The following HIBADH variants were observed in gnomAD, a reference collection of about 807,000 sequenced individuals.
The protein encoded by HIBADH is 3-hydroxyisobutyrate dehydrogenase, mitochondrial.
Under a neutral mutation model 36.1 loss-of-function variants are expected in HIBADH, and 25 were observed. The observed-to-expected ratio is 0.69, with a 90% CI of 0.50 to 0.97. HIBADH has a LOEUF of 0.97. HIBADH is among the 50% of genes least tolerant of loss of function. HIBADH has a pLI of 0.00. For missense variants in HIBADH, 421 were observed against 418.0 expected (o/e 1.01, Z -0.06); for synonymous variants, 160 against 149.5 (o/e 1.07, Z -0.51).
At chr7:27,576,756 G>A (rs1215474033) in intron 4 of HIBADH, among the ~76,000 whole-genome samples, 2 of 152,166 alleles carry the variant, frequency 1.3e-5, no homozygotes, top group African/African-American at 4.8e-5. Context: ...CTACCCAAGT[G>A]TCACACATTC....
intron 1 of HIBADH, among the ~76,000 whole-genome samples, 177 bp downstream of exon 1, chr7:27,662,521 C>T (rs889909731): frequency 6.6e-6 from 1 of 152,194 alleles, no homozygotes; most frequent in East Asian, 1.9e-4. Flanking sequence ...GAGGGGGGTA[C>T]TCGCGGAGTG....
intron 1 of HIBADH, among the ~76,000 whole-genome samples, chr7:27,651,376 T>C (rs1046567515): frequency 6.6e-6 from 1 of 151,914 alleles, no homozygotes; most frequent in Non-Finnish European, 1.5e-5. Flanking sequence ...ACTGGTATAA[T>C]AGTACACTGG....
intron 4 of HIBADH, among the ~76,000 whole-genome samples, chr7:27,626,104 G>GAAAAAAAAAAAA (rs70994672): frequency 5.5e-5 from 4 of 72,504 alleles, no homozygotes; most frequent in Admixed American, 2.1e-4. Flanking sequence ...CTCCGTCTCA[G>GAAAAAAAAAAAA]AAAAAAAAAA....
At position 27,525,471 on chromosome 7, in the gene HIBADH, A is replaced by G. The variant is rs1389977182; in HGVS notation, c.*743T>C. ...CAGTATAGAAATTTATTTGAATTCA[A>G]AATAATATGGCTATATTTATAATAA... On this transcript the variant is annotated 3_prime_UTR_variant, in exon 8 of 8. Coordinates refer to ENST00000265395, the MANE Select transcript of HIBADH (RefSeq NM_152740.4). 1.3e-5 allele frequency: 2 copies of G among 152,190 alleles called. No individual in the cohort carries two copies. The highest frequency in any genetic ancestry group is 2.9e-5 in the Non-Finnish European group (2 of 68,040). The allele number at this position is 152,190 out of a possible 1,614,324, so 9.4% of individuals were successfully genotyped here.
rs1475268285 is a variant in HIBADH, at chr7:27,525,597, AAAAAAAT to A, written c.*610_*616del. 1.3e-5 allele frequency: 2 copies of A among 152,140 alleles called. No individual in the cohort carries two copies. The highest frequency in any genetic ancestry group is 4.8e-5 in the African/African-American group (2 of 41,458). 9.4% of individuals were successfully genotyped at this position (152,140 alleles called of 1,614,324 possible). ...TACGTAGTAAGAATGAACAAGAAAG[AAAAAAAT>A]ATAAAAACAAGTCTGCTGAGTGTCG... On this transcript the variant is annotated 3_prime_UTR_variant, in exon 8 of 8. Transcript: ENST00000265395.
At chr7:27,530,712 T>C (rs550505433) in intron 7 of HIBADH, among the ~76,000 whole-genome samples, 30 of 152,286 alleles carry the variant, frequency 2.0e-4, no homozygotes, top group African/African-American at 7.0e-4. Flanking sequence ...ACTTAACTAG[T>C]TTTTATATAT....
intron 1 of HIBADH, among the ~76,000 whole-genome samples, chr7:27,659,867 A>T (rs1019615307): frequency 6.6e-6 from 1 of 152,210 alleles, no homozygotes; most frequent in Admixed American, 6.5e-5. Context: ...AGACCAGCGT[A>T]GTAGGCAACT....
intron 4 of HIBADH, among the ~76,000 whole-genome samples, chr7:27,612,962 T>TTTATATATATATTATATATATA (rs1189542484): frequency 7.2e-6 from 1 of 139,170 alleles, no homozygotes; most frequent in Non-Finnish European, 1.5e-5. Flanking sequence ...ATATATATTA[T>TTTATATATATATTATATATATA]TTATATATAT....
At chr7:27,561,360 T>C (rs1019734904) in intron 4 of HIBADH, among the ~76,000 whole-genome samples, 5 of 152,180 alleles carry the variant, frequency 3.3e-5, no homozygotes, top group African/African-American at 9.6e-5. Context: ...TTTTTTCTTA[T>C]ATGACTTATT....
At chr7:27,569,760 TAAAAA>T (rs1562625113) in intron 4 of HIBADH, among the ~76,000 whole-genome samples, 1 of 151,808 alleles carries the variant, frequency 6.6e-6, no homozygotes, top group South Asian at 2.1e-4. Flanking sequence ...GCAAGAGAAT[TAAAAA>T]AAGAAAAAAG....
At chr7:27,540,755 T>A (rs1784137357) in intron 5 of HIBADH, among the ~76,000 whole-genome samples, 1 of 152,186 alleles carries the variant, frequency 6.6e-6, no homozygotes, top group Non-Finnish European at 1.5e-5. Flanking sequence ...TAGGGGCAAG[T>A]TGGCCCCTTG....
At chr7:27,538,253 C>T (rs1487194100) in intron 6 of HIBADH, 88 bp downstream of exon 6, 2 of 986,388 alleles carry the variant, frequency 2.0e-6, no homozygotes, top group Non-Finnish European at 3.1e-6. Flanking sequence ...ACTCATTTAT[C>T]TCTCATGAAT....
intron 7 of HIBADH, among the ~76,000 whole-genome samples, chr7:27,530,276 G>T (rs1346217505): frequency 1.3e-5 from 2 of 151,974 alleles, no homozygotes; most frequent in Non-Finnish European, 2.9e-5. Flanking sequence ...TGCTATCTCA[G>T]CTGACTGCCA....
chr7:27,558,687 C>T (rs1683847488), intron 4 of HIBADH, among the ~76,000 whole-genome samples: 1 of 151,946 alleles, frequency 6.6e-6, no homozygotes, highest in Admixed American at 6.6e-5. Flanking sequence ...AGAGCAAGAC[C>T]CAGTCTCAAA....
At chr7:27,634,999 T>C (rs1236172912) in intron 2 of HIBADH, among the ~76,000 whole-genome samples, 1 of 152,132 alleles carries the variant, frequency 6.6e-6, no homozygotes, top group Non-Finnish European at 1.5e-5. Flanking sequence ...ACAACAGTAG[T>C]GATAGCTGGA....
rs540560541 is a variant in HIBADH at position 27,557,454 on chromosome 7, C to A, written c.485-14354G>T. The stretch of plus-strand genomic sequence containing the variant: ...TTATATAGTTACATATTGTCTTAGT[C>A]TGTTTTGTGCTCCTATCACAGAATA... On this transcript the variant is annotated intron_variant, in intron 4 of 7. Coordinates refer to ENST00000265395, the MANE Select transcript of HIBADH (RefSeq NM_152740.4). Among the ~76,000 whole-genome samples, 281 of 152,270 alleles carry A rather than the reference C, an allele frequency of 1.8e-3. 3 individuals are homozygous for A. The Middle Eastern group carries it at 0.027, about 15-fold the overall frequency.
At chr7:27,619,533 C>G (rs1417734195) in intron 4 of HIBADH, among the ~76,000 whole-genome samples, 1 of 152,018 alleles carries the variant, frequency 6.6e-6, no homozygotes, top group Non-Finnish European at 1.5e-5. Flanking sequence ...CAGTGAAAAA[C>G]AGATTAATTC....
At chr7:27,534,027 TATAAAC>T (rs1176107056) in intron 6 of HIBADH, among the ~76,000 whole-genome samples, 4 of 152,206 alleles carry the variant, frequency 2.6e-5, no homozygotes, top group Non-Finnish European at 4.4e-5. Context: ...TGTTCTCTGA[TATAAAC>T]AGAATGAATT....
intron 4 of HIBADH, among the ~76,000 whole-genome samples, chr7:27,576,399 C>G (rs10240428): frequency 6.6e-6 from 1 of 152,140 alleles, no homozygotes; most frequent in African/African-American, 2.4e-5. Context: ...ACCACATATG[C>G]AAAGTACACA....
Sources: allele counts gnomAD v4.1 joint callset (sites outside exome capture counted in the v4.1 genomes callset), GRCh38; gene constraint gnomAD v4.1.1; transcripts MANE v1.5; gene names NCBI Gene and HGNC (gene_info 2026-07-23, HGNC 2026-07-21).